BRCA2: variants seen among roughly 807,000 people sequenced by gnomAD.
BRCA2 encodes the protein breast cancer type 2 susceptibility protein.
A neutral mutation model predicts 276.7 loss-of-function variants in BRCA2; 203 were observed. That is an observed-to-expected ratio of 0.73 (90% CI 0.65 to 0.82). BRCA2 has a LOEUF of 0.82. Among genes scored for constraint, BRCA2 ranks in the 40% least tolerant of loss-of-function variants. The pLI is 0.00. For synonymous variants in BRCA2, 1,289 were observed against 1,338.4 expected, an observed-to-expected ratio of 0.96 and a Z score of 0.81; for missense variants, 3,920 against 3,915.0, an observed-to-expected ratio of 1.00 and a Z score of -0.03.
intron 10 of BRCA2, 78 bp downstream of exon 10, chr13:32,333,465 TTTTAAAATCTTCATATCTTATA>T: frequency 6.9e-7 from 1 of 1,448,422 alleles, no homozygotes; most frequent in Non-Finnish European, 9.5e-7. Context: ...TTTTTCTGCT[TTTTAAAATCTTCATATCTTATA>T]TTTAATCTTA....
intron 24 of BRCA2, chr13:32,386,164 A>G (rs1191019885): frequency 6.5e-6 from 1 of 152,882 alleles, no homozygotes; most frequent in African/African-American, 2.4e-5. Context: ...TTAACGTGCT[A>G]ATCAAGGCTG....
rs81002877 is a variant in BRCA2, at chr13:32,344,547, T to A, written c.6842-11T>A. The A allele has an allele frequency of 2.7e-6, 4 of 1,478,630 alleles. No homozygotes were observed. In the African/African-American group the frequency reaches 5.6e-5, roughly 21 times the overall value. The allele number at this position is 1,478,630 out of a possible 1,614,324, so 91.6% of individuals were successfully genotyped here. A position where few individuals can be genotyped will look rare whatever the true frequency, so the allele number is the denominator to read the frequency against. ...TTGCCTTAAAAACATATATGAAATA[T>A]TTCTTTTTAGGAGAACCCTCAATCA... On this transcript the variant is annotated splice_polypyrimidine_tract_variant and intron_variant, in intron 11 of 26. Coordinates refer to ENST00000380152, the MANE Select transcript of BRCA2 (RefSeq NM_000059.4).
At chr13:32,371,383 T>C (rs1039351666) in intron 20 of BRCA2, among the ~76,000 whole-genome samples, 3 of 152,154 alleles carry the variant, frequency 2.0e-5, no homozygotes, top group Admixed American at 6.5e-5. Context: ...TCATGTGTTA[T>C]TATGCCTGGA....
chr13:32,374,083 T>G lies in BRCA2; in HGVS notation c.8633-2587T>G, dbSNP rs189608242. Among the ~76,000 whole-genome samples the G allele has an allele frequency of 3.4e-3, 521 of 152,360 alleles. 2 individuals carry two copies. The highest frequency in any genetic ancestry group is 0.012 in the African/African-American group (485 of 41,594). ...AATGGCCTGATCTGTACCTTGGCCC[T>G]TTTTATCAATGGCTGGAGCTGGAGC... On this transcript the variant is annotated intron_variant, in intron 20 of 26. Coordinates refer to ENST00000380152, the MANE Select transcript of BRCA2 (RefSeq NM_000059.4).
rs2137529623 is a variant in BRCA2, at chr13:32,341,025, G to C, written c.6670G>C (p.Glu2224Gln). The C allele has an allele frequency of 6.2e-7, 1 of 1,613,596 alleles. No individual in the cohort carries two copies. Among genetic ancestry groups the C allele is most frequent in the Non-Finnish European group, 8.5e-7 (1 of 1,179,872 alleles). Reference protein sequence around the residue: ...TYSKDSENYFETEAVEIAKAF... With the variant: ...TYSKDSENYFQTEAVEIAKAF... ...CTCCAAAGATTCAGAAAACTACTTT[G>C]AAACAGAAGCAGTAGAAATTGCTAA... is the stretch of plus-strand genomic sequence containing the variant. Residue 2224 changes from glutamate (E) to glutamine (Q), a missense_variant, in exon 11 of 27, where the codon GAA becomes CAA. This residue lies in a region of BRCA2 where 3,263 missense variants were observed against 3,156.9 expected (regional missense o/e 1.03). Transcript: ENST00000380152.
chr13:32,316,385 T>A (rs1593880457), intron 1 of BRCA2, 37 bp from the exon 2 acceptor site: 1 of 1,270,718 alleles, frequency 7.9e-7, no homozygotes, highest in Non-Finnish European at 1.1e-6. Context: ...AAGGAATGCA[T>A]CCCTGTGTAA....
At position 32,370,480 on chromosome 13, in the gene BRCA2, C is replaced by G. The variant is rs756318845; in HGVS notation, c.8410C>G (p.Pro2804Ala). Residue 2804 changes from proline to alanine, a missense_variant, in exon 19 of 27, where the codon CCC becomes GCC. Physicochemically the swap from Pro to Ala is conservative, Grantham distance 27. Transcript: ENST00000380152. ...TCCTGACCCTAGACCTTTTCCTCTG[C>G]CCTTATCATCGCTTTTCAGTGATGG... is the stretch of plus-strand genomic sequence containing the variant. Reference protein sequence around the residue: ...FFPDPRPFPLPLSSLFSDGGN... With the variant: ...FFPDPRPFPLALSSLFSDGGN... 2 of 1,613,738 alleles carry G rather than the reference C, an allele frequency of 1.2e-6. No individual in the cohort carries two copies. Among genetic ancestry groups the G allele is most frequent in the South Asian group, 2.2e-5 (2 of 91,052 alleles).
At chr13:32,360,650 G>A (rs964993655) in intron 16 of BRCA2, among the ~76,000 whole-genome samples, 1 of 152,174 alleles carries the variant, frequency 6.6e-6, no homozygotes, top group Non-Finnish European at 1.5e-5. Context: ...GAGCCACTGT[G>A]TCCAGCCTGA....
chr13:32,356,741 A>AT, intron 15 of BRCA2, 132 bp downstream of exon 15: 1 of 1,163,522 alleles, frequency 8.6e-7, no homozygotes, highest in Non-Finnish European at 1.2e-6. Context: ...AAATCATCAT[A>AT]TTTTCTAATT....
intron 3 of BRCA2, among the ~76,000 whole-genome samples, chr13:32,323,139 TTG>T (rs1220601758): frequency 6.7e-6 from 1 of 148,240 alleles, no homozygotes; most frequent in African/African-American, 2.5e-5. Context: ...ACCTCATTGT[TTG>T]TTTTATTTAA....
intron 25 of BRCA2, among the ~76,000 whole-genome samples, chr13:32,395,546 G>T (rs1463728852): frequency 6.6e-6 from 1 of 152,120 alleles, no homozygotes; most frequent in Admixed American, 6.5e-5. Flanking sequence ...TGAGAAACAG[G>T]TTAAATGGCT....
chr13:32,351,830 C>T (rs2072653573), intron 13 of BRCA2, among the ~76,000 whole-genome samples: 1 of 151,866 alleles, frequency 6.6e-6, no homozygotes, highest in Non-Finnish European at 1.5e-5. Context: ...GATACAGAGT[C>T]TCACTCTGTC....
chr13:32,323,248 G>A (rs897816444), intron 3 of BRCA2, among the ~76,000 whole-genome samples: 8 of 151,360 alleles, frequency 5.3e-5, no homozygotes, highest in African/African-American at 1.9e-4. Flanking sequence ...CGCCTCCCAG[G>A]TTCACGCCAT....
intron 10 of BRCA2, among the ~76,000 whole-genome samples, chr13:32,334,215 G>A (rs1227245112): frequency 6.6e-6 from 1 of 152,178 alleles, no homozygotes; most frequent in East Asian, 1.9e-4. Context: ...CACAACGGTT[G>A]AACTAATTTA....
Position 32,376,603 on chromosome 13 carries a change from G to A in BRCA2, c.8633-67G>A, listed in dbSNP as rs866642630. The A allele has an allele frequency of 9.1e-6, 14 of 1,543,010 alleles. 3 individuals are homozygous for A. In the Middle Eastern group the frequency reaches 2.4e-3, roughly 265 times the overall value. The stretch of plus-strand genomic sequence containing the variant: ...TCCCTTCTTTGGGTGTTTTATGCTT[G>A]GTTCTTTAGTTTTAGTTGCTTTTGA... On this transcript the variant is annotated intron_variant, in intron 20 of 26. Transcript: ENST00000380152.
rs1342774938 is a variant in BRCA2, at chr13:32,337,427, T to TAAG, written c.3077_3079dup (p.Lys1026dup). 1.9e-6 allele frequency: 3 copies of TAAG among 1,613,056 alleles called. No homozygotes were observed. The highest frequency in any genetic ancestry group is 2.5e-6 in the Non-Finnish European group (3 of 1,179,552). ...AAATCAAGCTCTCTGAACATAACAT[T>TAAG]AAGAAGAGCAAAATGTTCTTCAAAG... On this transcript the variant is annotated inframe_insertion, in exon 11 of 27. Coordinates refer to ENST00000380152, the MANE Select transcript of BRCA2 (RefSeq NM_000059.4).
In BRCA2 at chr13:32,340,700, G is replaced by A. The variant is rs1432047332; in HGVS notation, c.6345G>A (p.Glu2115=). The A allele has an allele frequency of 6.2e-7, 1 of 1,609,606 alleles. No individual in the cohort carries two copies. The change falls in exon 11 of 27, where the codon GAG becomes GAA. Residue 2115 remains glutamate, a synonymous_variant. Coordinates refer to ENST00000380152, the MANE Select transcript of BRCA2 (RefSeq NM_000059.4). ...ILPRVDKRNP[E]HCVNSEMEKT... ...CTCGTGTTGATAAGAGAAACCCAGA[G>A]CACTGTGTAAACTCAGAAATGGAAA...
At position 32,398,964 on chromosome 13, in the gene BRCA2, G is replaced by C; in HGVS notation, c.*194G>C. ...TCCGTATTGGTATACTTTTGCTTCA[G>C]TTGCATATCTTAAAACTAAATGTAA... On this transcript the variant is annotated 3_prime_UTR_variant, in exon 27 of 27. Transcript: ENST00000380152. 1 of 621,610 alleles carries C rather than the reference G, an allele frequency of 1.6e-6. No individual in the cohort carries two copies. Among genetic ancestry groups the C allele is most frequent in the Non-Finnish European group, 2.6e-6 (1 of 379,620 alleles). 38.5% of individuals were successfully genotyped at this position (621,610 alleles called of 1,614,324 possible).
chr13:32,388,139 G>A (rs531067344), intron 24 of BRCA2, among the ~76,000 whole-genome samples: 91 of 134,474 alleles, frequency 6.8e-4, no homozygotes, highest in Middle Eastern at 3.8e-3. Flanking sequence ...TTTTTTTTGA[G>A]TTAGGGTCTC....
Sources: gnomAD v4.1 joint callset for allele counts (sites outside exome capture counted in the v4.1 genomes callset) on GRCh38, gnomAD v4.1.1 for gene constraint, gnomAD v4.1.1 regional missense constraint, MANE v1.5 for transcripts, NCBI Gene and HGNC (gene_info 2026-07-23, HGNC 2026-07-21) for gene names.